MED27: variants seen among roughly 807,000 people sequenced by gnomAD.
MED27 encodes the protein mediator complex subunit 27, also known as mediator of RNA polymerase II transcription subunit 27.
MED27 carries 30 observed loss-of-function variants against 38.2 expected under a neutral mutation model. The ratio of observed to expected loss-of-function variants is 0.79; its 90% CI spans 0.59 to 1.07. The LOEUF (loss-of-function observed/expected upper bound fraction) is 1.07. Among genes scored for constraint, MED27 ranks in the 50% least tolerant of loss-of-function variants. The pLI is 0.00. For missense variants in MED27, 289 were observed against 397.5 expected (o/e 0.73, Z 2.32); for synonymous variants, 122 against 153.5 (o/e 0.79, Z 1.52).
At chr9:131,892,125 A>C (rs2131500740) in intron 5 of MED27, among the ~76,000 whole-genome samples, 2 of 151,628 alleles carry the variant, frequency 1.3e-5, no homozygotes, top group Admixed American at 6.6e-5. Context: ...ATGGATGAGA[A>C]TGGCCAAAGA....
chr9:131,877,127 A>G (rs1838949642), intron 6 of MED27, among the ~76,000 whole-genome samples: 1 of 152,194 alleles, frequency 6.6e-6, no homozygotes, highest in Non-Finnish European at 1.5e-5. Flanking sequence ...CAGGGCACCG[A>G]ACAGGGAATG....
Position 131,982,084 on chromosome 9 carries a change from C to G in MED27, c.479+32253G>C, listed in dbSNP as rs149644705. On this transcript the variant is annotated intron_variant, in intron 3 of 7. Transcript: ENST00000292035. This position sits in a 1 kb window ranked among gnomAD's most constrained non-coding sequence, Gnocchi z 4.3. Reference sequence around the variant, plus strand: ...GTTGGTAGTCTGTTTCACTCATGGTCCCCGGTGGAACACTTCCCAGTATTT... The same window carrying G: ...GTTGGTAGTCTGTTTCACTCATGGTGCCCGGTGGAACACTTCCCAGTATTT... 6.6e-6 allele frequency among the ~76,000 whole-genome samples: 1 copy of G among 152,234 alleles called. No homozygotes were observed. Among genetic ancestry groups the G allele is most frequent in the Non-Finnish European group, 1.5e-5 (1 of 68,038 alleles).
chr9:132,014,666 A>T (rs1022173197), intron 2 of MED27, among the ~76,000 whole-genome samples, 199 bp from the exon 3 acceptor site: 12 of 152,244 alleles, frequency 7.9e-5, no homozygotes, highest in Non-Finnish European at 1.8e-4. Context: ...AAACAAGAAC[A>T]AGACTGTTCA....
chr9:131,983,731 T>C (rs774688959), intron 3 of MED27, among the ~76,000 whole-genome samples: 26 of 152,234 alleles, frequency 1.7e-4, no homozygotes, highest in Non-Finnish European at 3.5e-4. Context: ...TTCTACACAA[T>C]ATTTTGCTTC....
At chr9:131,957,114 A>C (rs1275911748) in intron 3 of MED27, among the ~76,000 whole-genome samples, 1 of 152,240 alleles carries the variant, frequency 6.6e-6, no homozygotes, top group African/African-American at 2.4e-5. Context: ...AACTTTGGAA[A>C]GCTGTTTAGC....
At chr9:132,028,892 G>C (rs1259100053) in intron 2 of MED27, among the ~76,000 whole-genome samples, 2 of 152,140 alleles carry the variant, frequency 1.3e-5, no homozygotes, top group African/African-American at 4.8e-5. Flanking sequence ...GCTCCAAGAC[G>C]CGCTAAAATC....
chr9:132,057,784 C>T lies in MED27; in HGVS notation c.348+19658G>A, dbSNP rs12338723. Among the ~76,000 whole-genome samples the T allele has an allele frequency of 5.2e-3, 787 of 152,206 alleles. 4 individuals are homozygous for T. Among genetic ancestry groups the T allele is most frequent in the African/African-American group, 0.018 (754 of 41,512 alleles). On this transcript the variant is annotated intron_variant, in intron 2 of 7. Coordinates refer to ENST00000292035, the MANE Select transcript of MED27 (RefSeq NM_004269.4). ...CTTTGAGACTCACAAATTGTCAATG[C>T]CCCCTCCACTTCCTCAGCCCTCCGT...
chr9:132,033,990 C>T (rs950955610), intron 2 of MED27, among the ~76,000 whole-genome samples: 3 of 152,112 alleles, frequency 2.0e-5, no homozygotes, highest in East Asian at 1.9e-4. Context: ...GTATTAAATG[C>T]GAGGCATGTG....
intron 3 of MED27, among the ~76,000 whole-genome samples, chr9:131,959,442 T>C (rs1267322542): frequency 2.6e-5 from 4 of 152,142 alleles, no homozygotes; most frequent in African/African-American, 4.8e-5. Context: ...CCAAAGCATA[T>C]AGGGCAGTGT....
chr9:131,981,095 G>T (rs1243286667), intron 3 of MED27, among the ~76,000 whole-genome samples: 3 of 152,132 alleles, frequency 2.0e-5, no homozygotes, highest in Non-Finnish European at 4.4e-5. Flanking sequence ...ACTCCTAATT[G>T]CAACAAAGAA....
chr9:132,005,729 G>A (rs1490767706), intron 3 of MED27, among the ~76,000 whole-genome samples: 2 of 152,132 alleles, frequency 1.3e-5, no homozygotes, highest in Non-Finnish European at 2.9e-5. Flanking sequence ...GAATTGATAC[G>A]GATAAATATC....
chr9:131,888,644 G>C (rs115952171), intron 5 of MED27, among the ~76,000 whole-genome samples: 1 of 152,188 alleles, frequency 6.6e-6, no homozygotes, highest in South Asian at 2.1e-4. Flanking sequence ...GCCACACGAG[G>C]TTCCAACTTT....
At chr9:132,020,473 G>C (rs773557721) in intron 2 of MED27, among the ~76,000 whole-genome samples, 47 of 152,314 alleles carry the variant, frequency 3.1e-4, no homozygotes, top group Non-Finnish European at 5.6e-4. Flanking sequence ...CTGCAAGGTA[G>C]GGTGCTAATC....
intron 4 of MED27, among the ~76,000 whole-genome samples, chr9:131,901,913 G>A (rs1279111175): frequency 6.6e-6 from 1 of 152,142 alleles, no homozygotes; most frequent in African/African-American, 2.4e-5. Context: ...CTGAAGTTTT[G>A]AAAGATTTGA....
At chr9:131,926,783 T>C (rs7029165) in intron 4 of MED27, among the ~76,000 whole-genome samples, 97,005 of 152,054 alleles carry the variant, frequency 0.64, 31,413 homozygotes, top group Non-Finnish European at 0.69. Context: ...GGTATGAATA[T>C]GTTATGGAAA....
chr9:131,941,830 T>TA, intron 3 of MED27, among the ~76,000 whole-genome samples: 1 of 132,556 alleles, frequency 7.5e-6, no homozygotes, highest in East Asian at 2.2e-4. Flanking sequence ...TTTTTTTTTT[T>TA]TTTTTTTTTT....
At chr9:131,928,909 C>T (rs757215710) in intron 4 of MED27, among the ~76,000 whole-genome samples, 7 of 152,214 alleles carry the variant, frequency 4.6e-5, no homozygotes, top group Non-Finnish European at 7.3e-5. Context: ...GGAGTGCTTG[C>T]GCCACCCTTC....
chr9:131,967,103 T>A (rs1377500423), intron 3 of MED27, among the ~76,000 whole-genome samples: 4 of 152,284 alleles, frequency 2.6e-5, no homozygotes, highest in African/African-American at 7.2e-5. Context: ...GCAGTAGCTA[T>A]CATTAATGTT....
intron 3 of MED27, among the ~76,000 whole-genome samples, chr9:131,945,713 A>T (rs1830873863): frequency 1.3e-5 from 2 of 151,738 alleles, no homozygotes; most frequent in South Asian, 4.2e-4. Context: ...TATAATTCCA[A>T]CACTGGGAGG....
Sources: allele counts gnomAD v4.1 joint callset (sites outside exome capture counted in the v4.1 genomes callset), GRCh38; gene constraint gnomAD v4.1.1; non-coding constraint Gnocchi (gnomAD v3.1); transcripts MANE v1.5; gene names NCBI Gene and HGNC (gene_info 2026-07-23, HGNC 2026-07-21).